The following FRMD3 variants were observed in gnomAD, a reference collection of about 807,000 sequenced individuals.
FRMD3 encodes the protein FERM domain-containing protein 3.
Under a neutral mutation model 70.2 loss-of-function variants are expected in FRMD3, and 33 were observed. The observed-to-expected ratio is 0.47, with a 90% CI of 0.36 to 0.63. The LOEUF (loss-of-function observed/expected upper bound fraction) is 0.63, where lower values mean the gene tolerates loss of function less well. Among genes scored for constraint, FRMD3 ranks in the 20% least tolerant of loss-of-function variants. FRMD3 has a pLI of 0.00. For synonymous variants in FRMD3, 279 were observed against 255.9 expected (o/e 1.09, Z -0.86); for missense variants, 632 against 711.4 (o/e 0.89, Z 1.27).
At chr9:83,476,866 C>T (rs1015292601) in intron 1 of FRMD3, among the ~76,000 whole-genome samples, 3 of 152,124 alleles carry the variant, frequency 2.0e-5, no homozygotes, top group Middle Eastern at 3.2e-3. Context: ...GGCCCTTACT[C>T]TAATTGTATT....
chr9:83,506,452 C>G (rs949574603), intron 1 of FRMD3, among the ~76,000 whole-genome samples: 5 of 152,216 alleles, frequency 3.3e-5, no homozygotes, highest in Admixed American at 6.5e-5. Context: ...ATCTGTATAG[C>G]ATGTGACTGT....
intron 1 of FRMD3, among the ~76,000 whole-genome samples, chr9:83,440,210 C>T (rs1288582143): frequency 6.6e-6 from 1 of 152,208 alleles, no homozygotes; most frequent in Non-Finnish European, 1.5e-5. Flanking sequence ...TTCACCTATA[C>T]TCTAATTCTG....
chr9:83,445,716 T>A (rs1406347201), intron 1 of FRMD3, among the ~76,000 whole-genome samples: 1 of 152,138 alleles, frequency 6.6e-6, no homozygotes, highest in African/African-American at 2.4e-5. Flanking sequence ...GATGAAAGAT[T>A]TAAGGAATGT....
chr9:83,273,052 G>A (rs1487762703), intron 13 of FRMD3, among the ~76,000 whole-genome samples: 1 of 4,384 alleles, frequency 2.3e-4, no homozygotes, highest in Non-Finnish European at 3.5e-4. Flanking sequence ...CCGGGAGGTG[G>A]GGGGGGGCGC....
rs573733389 is a variant in FRMD3, at chr9:83,430,514, C to A, written c.148-40806G>T. The stretch of plus-strand genomic sequence containing the variant: ...TAGAAAAGAGTAATTAGTAAGCTGG[C>A]AGATCATAAGTCTCTCCACATATTT... On this transcript the variant is annotated intron_variant, in intron 1 of 13. Coordinates refer to ENST00000304195, the MANE Select transcript of FRMD3 (RefSeq NM_174938.6). 3.3e-5 allele frequency among the ~76,000 whole-genome samples: 5 copies of A among 152,270 alleles called. No individual in the cohort carries two copies. In the South Asian group the frequency reaches 1.0e-3, roughly 32 times the overall value.
At chr9:83,433,041 T>C (rs528426404) in intron 1 of FRMD3, among the ~76,000 whole-genome samples, 60 of 152,324 alleles carry the variant, frequency 3.9e-4, no homozygotes, top group African/African-American at 1.4e-3. Context: ...TCTAGTTCCA[T>C]CCAAGTTGCC....
chr9:83,338,786 A>G (rs1823661989), intron 5 of FRMD3, among the ~76,000 whole-genome samples: 1 of 152,194 alleles, frequency 6.6e-6, no homozygotes, highest in Non-Finnish European at 1.5e-5. Flanking sequence ...AAAAAGGGAA[A>G]TCAATCAATC....
the FRMD3 span, among the ~76,000 whole-genome samples, chr9:83,576,092 G>A: frequency 6.6e-6 from 1 of 151,796 alleles, no homozygotes; most frequent in Admixed American, 6.6e-5. Context: ...GACATCATAA[G>A]AAAAGAAAAT....
At chr9:83,543,910 C>T in the FRMD3 span, among the ~76,000 whole-genome samples, 1 of 152,106 alleles carries the variant, frequency 6.6e-6, no homozygotes, top group Non-Finnish European at 1.5e-5. Flanking sequence ...ATGAAGCCTC[C>T]TACTCCCCGC....
rs538761192 is a variant in FRMD3, at chr9:83,272,749, G to C, written c.1195+17854C>G. Among the ~76,000 whole-genome samples, 812 of 150,600 alleles carry C rather than the reference G, an allele frequency of 5.4e-3. 10 individuals are homozygous for C. Among genetic ancestry groups the C allele is most frequent in the African/African-American group, 0.018 (750 of 40,796 alleles). On this transcript the variant is annotated intron_variant, in intron 13 of 13. Coordinates refer to ENST00000304195, the MANE Select transcript of FRMD3 (RefSeq NM_174938.6). ...TAGGAAGTGAGGAGCGTCTCTGCCC[G>C]GCCGCCCATCATCTGAGATGTGGGG...
At chr9:83,482,906 T>C (rs1405483662) in intron 1 of FRMD3, among the ~76,000 whole-genome samples, 2 of 152,138 alleles carry the variant, frequency 1.3e-5, no homozygotes, top group Non-Finnish European at 2.9e-5. Flanking sequence ...GAAGTGGAAG[T>C]TTAGAAGGTG....
intron 10 of FRMD3, among the ~76,000 whole-genome samples, chr9:83,302,597 CCCTT>C (rs1473914047): frequency 1.3e-5 from 2 of 152,162 alleles, no homozygotes; most frequent in African/African-American, 2.4e-5. Context: ...TTCCCTTCCT[CCCTT>C]CCCACCTTCC....
chr9:83,329,543 C>A (rs11140030), intron 6 of FRMD3, among the ~76,000 whole-genome samples: 1 of 151,990 alleles, frequency 6.6e-6, no homozygotes, highest in Non-Finnish European at 1.5e-5. Context: ...GAAACCTAGA[C>A]GTTTTTAAAA....
intron 1 of FRMD3, among the ~76,000 whole-genome samples, chr9:83,449,144 A>G (rs1369547669): frequency 6.6e-6 from 1 of 152,204 alleles, no homozygotes; most frequent in East Asian, 1.9e-4. Flanking sequence ...TTAACAACAA[A>G]GGAAGGCAAG....
intron 6 of FRMD3, among the ~76,000 whole-genome samples, chr9:83,332,177 G>A (rs904329780): frequency 1.3e-5 from 2 of 152,142 alleles, no homozygotes; most frequent in African/African-American, 2.4e-5. Flanking sequence ...AGAGATGATC[G>A]ATAACTATAA....
rs1835785026 is a variant in FRMD3, at chr9:83,321,129, CAAAA to C, written c.597-7386_597-7383del. Among the ~76,000 whole-genome samples, 3 of 147,860 alleles carry C rather than the reference CAAAA, an allele frequency of 2.0e-5. No individual in the cohort carries two copies. The Admixed American group carries it at 2.0e-4, about 10-fold the overall frequency. ...CAATTCTGTTTATCTTTTTTCAAAACAAAAGAACCAACTTTTTGTTTGGTTGATC... is the reference window on the plus strand; with the variant it reads ...CAATTCTGTTTATCTTTTTTCAAAACGAACCAACTTTTTGTTTGGTTGATC... On this transcript the variant is annotated intron_variant, in intron 6 of 13. Coordinates refer to ENST00000304195, the MANE Select transcript of FRMD3 (RefSeq NM_174938.6).
At chr9:83,260,467 A>G (rs1167784531) in intron 13 of FRMD3, among the ~76,000 whole-genome samples, 2 of 151,994 alleles carry the variant, frequency 1.3e-5, no homozygotes, top group East Asian at 3.9e-4. Context: ...CATCTGCTGA[A>G]CCCATGGTGT....
chr9:83,474,879 T>C (rs1828357119), intron 1 of FRMD3, among the ~76,000 whole-genome samples: 3 of 151,914 alleles, frequency 2.0e-5, no homozygotes, highest in Admixed American at 6.6e-5. Context: ...CTGTCCCCAC[T>C]GATGAAGAGA....
chr9:83,254,829 G>A (rs1209218479), intron 13 of FRMD3, among the ~76,000 whole-genome samples: 1 of 152,082 alleles, frequency 6.6e-6, no homozygotes, highest in African/African-American at 2.4e-5. Context: ...AGAACAGAGA[G>A]AAACTGAATA....
Sources: gnomAD v4.1 joint callset for allele counts (sites outside exome capture counted in the v4.1 genomes callset) on GRCh38, gnomAD v4.1.1 for gene constraint, MANE v1.5 for transcripts, NCBI Gene and HGNC (gene_info 2026-07-23, HGNC 2026-07-21) for gene names.